The following PGCKA1 variants were observed in gnomAD, a reference collection of about 807,000 sequenced individuals.
PGCKA1 encodes PDCD10 and GCKIII kinases-associated protein 1.
chr4:37,558,578 G>A, the PGCKA1 span, among the ~76,000 whole-genome samples: 3 of 152,060 alleles, frequency 2.0e-5, no homozygotes, highest in African/African-American at 7.2e-5. Context: ...GGCAACAAAA[G>A]ATGAAATTGA....
the PGCKA1 span, among the ~76,000 whole-genome samples, chr4:37,499,462 A>G: frequency 1.3e-5 from 2 of 152,024 alleles, no homozygotes; most frequent in Non-Finnish European, 2.9e-5. Flanking sequence ...TTGGTAGGCT[A>G]TATATTTCTG....
At chr4:37,521,564 C>T in the PGCKA1 span, among the ~76,000 whole-genome samples, 2 of 152,076 alleles carry the variant, frequency 1.3e-5, no homozygotes, top group East Asian at 1.9e-4. Flanking sequence ...GATATTATTT[C>T]TATTTTTTTA....
At chr4:37,588,832 G>A in the PGCKA1 span, 15 of 1,595,978 alleles carry the variant, frequency 9.4e-6, no homozygotes, top group South Asian at 7.7e-5. Context: ...TACCTTTTAC[G>A]CTTTCTTTTC....
At chr4:37,548,018 A>T in the PGCKA1 span, among the ~76,000 whole-genome samples, 1 of 133,190 alleles carries the variant, frequency 7.5e-6, no homozygotes. Flanking sequence ...AAAAGGAAAA[A>T]AAAAGGGGGG....
At chr4:37,477,152 A>G in the PGCKA1 span, among the ~76,000 whole-genome samples, 2 of 152,200 alleles carry the variant, frequency 1.3e-5, no homozygotes, top group Non-Finnish European at 2.9e-5. Context: ...CCTAAAGTTC[A>G]CTGACTGATG....
At chr4:37,583,361 C>G in the PGCKA1 span, among the ~76,000 whole-genome samples, 1 of 152,204 alleles carries the variant, frequency 6.6e-6, no homozygotes, top group South Asian at 2.1e-4. Flanking sequence ...TTGCTACCCT[C>G]CCAGCAAGGA....
the PGCKA1 span, among the ~76,000 whole-genome samples, chr4:37,478,862 A>C: frequency 6.6e-6 from 1 of 152,328 alleles, no homozygotes; most frequent in Admixed American, 6.5e-5. Context: ...AAATGGCTAT[A>C]AATTTTTAAG....
chr4:37,545,602 A>G, the PGCKA1 span, among the ~76,000 whole-genome samples: 1 of 152,048 alleles, frequency 6.6e-6, no homozygotes, highest in Non-Finnish European at 1.5e-5. Flanking sequence ...CAGTGACTTT[A>G]CTTTCTGTTT....
the PGCKA1 span, among the ~76,000 whole-genome samples, chr4:37,458,924 A>C: frequency 1.3e-5 from 2 of 152,348 alleles, no homozygotes; most frequent in South Asian, 4.1e-4. Flanking sequence ...ACTGAAGGTT[A>C]AGGCAAAATT....
chr4:37,478,145 C>G, the PGCKA1 span, among the ~76,000 whole-genome samples: 1 of 103,594 alleles, frequency 9.7e-6, no homozygotes, highest in African/African-American at 3.2e-5. Context: ...TAAAAACACC[C>G]CCCCCCACCG....
chr4:37,550,703 T>C, the PGCKA1 span, among the ~76,000 whole-genome samples: 19 of 152,206 alleles, frequency 1.2e-4, no homozygotes, highest in Non-Finnish European at 2.6e-4. Flanking sequence ...TGCCAGTACC[T>C]GAGATTCCAG....
chr4:37,519,619 C>T, the PGCKA1 span, among the ~76,000 whole-genome samples: 1 of 152,124 alleles, frequency 6.6e-6, no homozygotes, highest in Admixed American at 6.5e-5. Context: ...ATTTTGTATC[C>T]TGCTGCAACT....
At chr4:37,533,371 C>T in the PGCKA1 span, among the ~76,000 whole-genome samples, 5 of 152,132 alleles carry the variant, frequency 3.3e-5, no homozygotes, top group Non-Finnish European at 5.9e-5. Context: ...TTTACTTCTA[C>T]CCTGTACCAC....
chr4:37,563,368 A>G, the PGCKA1 span, among the ~76,000 whole-genome samples: 433 of 152,274 alleles, frequency 2.8e-3, 3 homozygotes, highest in African/African-American at 9.1e-3. Flanking sequence ...CTGTGTCCTC[A>G]CGTGCCCTCT....
chr4:37,590,689 A>G, the PGCKA1 span: 3 of 1,614,148 alleles, frequency 1.9e-6, no homozygotes, highest in Non-Finnish European at 2.5e-6. Flanking sequence ...CAAGAACCAT[A>G]CTGAGGATGA....
chr4:37,533,059 T>TTTGGGGACTTGGG, the PGCKA1 span, among the ~76,000 whole-genome samples: 5 of 88,438 alleles, frequency 5.7e-5, no homozygotes, highest in African/African-American at 7.0e-5. Context: ...ACAAATCATC[T>TTTGGGGACTTGGG]GGTATGTAAC....
the PGCKA1 span, among the ~76,000 whole-genome samples, chr4:37,476,991 A>G: frequency 6.6e-6 from 1 of 152,282 alleles, no homozygotes. Flanking sequence ...ACAGTCTTGC[A>G]ATTCCTTAAA....
the PGCKA1 span, among the ~76,000 whole-genome samples, chr4:37,522,828 C>T: frequency 0.2 from 30,836 of 151,550 alleles, 3,872 homozygotes; most frequent in African/African-American, 0.35. Context: ...GCTGCCCTAT[C>T]ATACTGTGGC....
chr4:37,585,858 CTGT>C, the PGCKA1 span, among the ~76,000 whole-genome samples: 7 of 152,048 alleles, frequency 4.6e-5, 1 homozygote, highest in South Asian at 1.2e-3. Flanking sequence ...GTCTACGGGA[CTGT>C]TGTTGTACTT....
Sources: allele counts gnomAD v4.1 joint callset (sites outside exome capture counted in the v4.1 genomes callset), GRCh38; gene constraint gnomAD v4.1.1; transcripts MANE v1.5; gene names NCBI Gene and HGNC (gene_info 2026-07-23, HGNC 2026-07-21).